The following FREM1 variants were observed in gnomAD, a reference collection of about 807,000 sequenced individuals.
FREM1 encodes FRAS1 related extracellular matrix 1.
In FREM1, 220 loss-of-function variants were observed where a neutral mutation model predicts 210.1. The ratio of observed to expected loss-of-function variants is 1.05; its 90% CI spans 0.94 to 1.17. The LOEUF (loss-of-function observed/expected upper bound fraction) is 1.17, where lower values mean the gene tolerates loss of function less well. Among genes scored for constraint, FREM1 ranks in the 50% most tolerant of loss-of-function variants. FREM1 has a pLI of 0.00. For missense variants in FREM1, 3,454 were observed against 2,675.5 expected, an observed-to-expected ratio of 1.29 and a Z score of -6.42; for synonymous variants, 1,189 against 980.2, an observed-to-expected ratio of 1.21 and a Z score of -3.98.
chr9:14,906,960 C>A (rs141467756), intron 1 of FREM1, among the ~76,000 whole-genome samples: 55 of 152,250 alleles, frequency 3.6e-4, no homozygotes, highest in African/African-American at 1.3e-3. Context: ...ATCTTAGCAG[C>A]CTTTGGATGA....
chr9:14,837,443 C>CCACA (rs746575597), intron 10 of FREM1, among the ~76,000 whole-genome samples: 1 of 146,734 alleles, frequency 6.8e-6, no homozygotes, highest in South Asian at 2.3e-4. Flanking sequence ...CTCCTTAAAA[C>CCACA]CACACACACA....
intron 25 of FREM1, among the ~76,000 whole-genome samples, chr9:14,771,915 A>C (rs993668679): frequency 6.6e-6 from 1 of 152,050 alleles, no homozygotes; most frequent in Non-Finnish European, 1.5e-5. Flanking sequence ...TAATTATAAT[A>C]CTATTTTTGT....
chr9:14,782,884 T>C (rs559677940), intron 24 of FREM1, among the ~76,000 whole-genome samples: 31 of 152,186 alleles, frequency 2.0e-4, no homozygotes, highest in Non-Finnish European at 4.3e-4. Flanking sequence ...GCACAGGAGG[T>C]TGTGTAACCT....
At chr9:14,744,129 G>A (rs1343626219) in intron 35 of FREM1, among the ~76,000 whole-genome samples, 2 of 152,034 alleles carry the variant, frequency 1.3e-5, no homozygotes, top group African/African-American at 4.8e-5. Flanking sequence ...GAAAGCCACT[G>A]ATTAACCTCT....
At chr9:14,888,519 T>C (rs1346094826) in intron 1 of FREM1, among the ~76,000 whole-genome samples, 1 of 152,246 alleles carries the variant, frequency 6.6e-6, no homozygotes, top group African/African-American at 2.4e-5. Context: ...AGGAAGTAGC[T>C]GCTGCTTTAA....
chr9:14,872,303 T>G (rs1019184971), intron 1 of FREM1, among the ~76,000 whole-genome samples: 1 of 152,210 alleles, frequency 6.6e-6, no homozygotes, highest in Non-Finnish European at 1.5e-5. Context: ...CCCATGAGCA[T>G]GGAATGTTCT....
chr9:14,872,951 G>A (rs1588511277), intron 1 of FREM1, among the ~76,000 whole-genome samples: 2 of 150,320 alleles, frequency 1.3e-5, no homozygotes, highest in African/African-American at 4.9e-5. Flanking sequence ...CTTTGGTTCT[G>A]TTTATATGCT....
In FREM1 at chr9:14,873,430, C is replaced by A. The variant is rs1833092880; in HGVS notation, c.-267-4186G>T. ...TATGTGTCGAGGAATTTATCCATTT[C>A]TTCGATATTTTCTAGTTTATTTGTG... On this transcript the variant is annotated intron_variant, in intron 1 of 36. Coordinates refer to ENST00000380880, the MANE Select transcript of FREM1 (RefSeq NM_001379081.2). Among the ~76,000 whole-genome samples, 4 of 152,256 alleles carry A rather than the reference C, an allele frequency of 2.6e-5. No homozygotes were observed. The South Asian group carries it at 8.3e-4, about 32-fold the overall frequency.
rs757140817 is a variant in FREM1 at position 14,846,023 on chromosome 9, C to T, written c.1330G>A (p.Asp444Asn). ...GTGACTAGCCGGACAGCACCAATGT[C>T]GTCATTGTCGACAACCTGAAACTGT... ...WEQFQVVDND[D>N]IGAVRLVTVG... Residue 444 changes from aspartate to asparagine, a missense_variant, in exon 8 of 37, where the codon GAC (aspartate) becomes AAC (asparagine). Coordinates refer to ENST00000380880, the MANE Select transcript of FREM1 (RefSeq NM_001379081.2). The T allele has an allele frequency of 1.4e-5, 22 of 1,611,442 alleles. No homozygotes were observed. The highest frequency in any genetic ancestry group is 4.4e-5 in the South Asian group (4 of 90,458).
intron 23 of FREM1, among the ~76,000 whole-genome samples, chr9:14,785,116 G>C (rs189528850): frequency 6.6e-6 from 1 of 152,280 alleles, no homozygotes; most frequent in African/African-American, 2.4e-5. Context: ...GCCCTGCTAC[G>C]CTTGGAGACA....
intron 21 of FREM1, among the ~76,000 whole-genome samples, chr9:14,797,113 T>C (rs1008095057): frequency 2.6e-5 from 4 of 152,234 alleles, no homozygotes; most frequent in Non-Finnish European, 5.9e-5. Flanking sequence ...GTAAGGACTG[T>C]CTGCAGTTAA....
intron 3 of FREM1, among the ~76,000 whole-genome samples, chr9:14,861,108 C>T (rs1196248734): frequency 5.9e-5 from 6 of 101,420 alleles, no homozygotes; most frequent in Non-Finnish European, 1.1e-4. Context: ...AACATATATA[C>T]ACATATATAT....
intron 2 of FREM1, among the ~76,000 whole-genome samples, chr9:14,864,713 A>G (rs1434751082): frequency 6.6e-6 from 1 of 152,204 alleles, no homozygotes; most frequent in East Asian, 1.9e-4. Context: ...GTAGAGTTCT[A>G]ATACCCTTGA....
intron 10 of FREM1, among the ~76,000 whole-genome samples, chr9:14,837,931 A>G (rs968946355): frequency 2.6e-5 from 4 of 152,328 alleles, no homozygotes; most frequent in African/African-American, 9.6e-5. Context: ...CTGTGCTACT[A>G]GCTATCTTGA....
intron 15 of FREM1, among the ~76,000 whole-genome samples, chr9:14,813,683 G>A (rs1352994692): frequency 6.6e-6 from 1 of 151,350 alleles, no homozygotes; most frequent in African/African-American, 2.4e-5. Flanking sequence ...AAGTAAAAAG[G>A]AAAGAAAAGC....
At chr9:14,850,771 T>A (rs1328644835) in intron 6 of FREM1, among the ~76,000 whole-genome samples, 1 of 152,186 alleles carries the variant, frequency 6.6e-6, no homozygotes, top group Non-Finnish European at 1.5e-5. Flanking sequence ...ACAAAAGTCA[T>A]CTCTAACTTC....
chr9:14,854,665 C>A (rs1195916857), intron 5 of FREM1, among the ~76,000 whole-genome samples: 1 of 151,970 alleles, frequency 6.6e-6, no homozygotes, highest in African/African-American at 2.4e-5. Flanking sequence ...TAATTATGGT[C>A]TTTAAAAGCC....
intron 16 of FREM1, among the ~76,000 whole-genome samples, 164 bp downstream of exon 16, chr9:14,812,648 C>T (rs985254108): frequency 1.2e-4 from 19 of 152,106 alleles, no homozygotes; most frequent in African/African-American, 4.6e-4. Flanking sequence ...AGAAATACTT[C>T]CATATATGGT....
intron 23 of FREM1, 66 bp downstream of exon 23, chr9:14,788,853 G>T (rs937693010): frequency 3.3e-6 from 4 of 1,205,234 alleles, no homozygotes; most frequent in Non-Finnish European, 4.6e-6. Context: ...AGAAAGAAAC[G>T]AATGTGGAAT....
Sources: allele counts gnomAD v4.1 joint callset (sites outside exome capture counted in the v4.1 genomes callset), GRCh38; gene constraint gnomAD v4.1.1; transcripts MANE v1.5; gene names NCBI Gene and HGNC (gene_info 2026-07-23, HGNC 2026-07-21).